Variants in NXPH1 observed in about 807,000 individuals in gnomAD.
The protein encoded by NXPH1 is neurexophilin 1, also known as neurexophilin-1.
In NXPH1, 5 loss-of-function variants were observed where a neutral mutation model predicts 23.7. The observed-to-expected ratio is 0.21, with a 90% CI of 0.11 to 0.44. The LOEUF (loss-of-function observed/expected upper bound fraction) is 0.44. Among genes scored for constraint, NXPH1 ranks in the 20% least tolerant of loss-of-function variants. The probability of loss-of-function intolerance (pLI) is 0.99; values close to 1 mark genes in which losing one functional copy is unlikely to be tolerated. For missense variants in NXPH1, 324 were observed against 321.6 expected, an observed-to-expected ratio of 1.01 and a Z score of -0.06; for synonymous variants, 144 against 122.2, an observed-to-expected ratio of 1.18 and a Z score of -1.18.
chr7:8,553,927 T>A (rs1287344010), intron 2 of NXPH1, among the ~76,000 whole-genome samples: 1 of 151,696 alleles, frequency 6.6e-6, no homozygotes, highest in African/African-American at 2.4e-5. Context: ...ATTTTTCAAT[T>A]ATATTTATTT....
chr7:8,624,947 C>T (rs1819955180), intron 2 of NXPH1, among the ~76,000 whole-genome samples: 1 of 151,982 alleles, frequency 6.6e-6, no homozygotes. Flanking sequence ...TGTCTATTTC[C>T]CTAAAAAAGT....
intron 2 of NXPH1, among the ~76,000 whole-genome samples, chr7:8,647,118 C>T (rs559223884): frequency 6.6e-6 from 1 of 152,284 alleles, no homozygotes; most frequent in Non-Finnish European, 1.5e-5. Context: ...GTTCTGTGAG[C>T]TCAAGAGCCT....
chr7:8,519,671 C>T (rs192802138), intron 2 of NXPH1, among the ~76,000 whole-genome samples: 5 of 152,122 alleles, frequency 3.3e-5, no homozygotes, highest in East Asian at 1.9e-4. Context: ...TCTCCCTCAC[C>T]GCTCCTTATG....
chr7:8,522,268 AGCTCTATCCCTTGGTCCCAT>A (rs1442529094), intron 2 of NXPH1, among the ~76,000 whole-genome samples: 1 of 152,190 alleles, frequency 6.6e-6, no homozygotes, highest in African/African-American at 2.4e-5. Flanking sequence ...GCATGAGTCT[AGCTCTATCCCTTGGTCCCAT>A]TTTCTGCTGG....
chr7:8,447,458 T>C (rs2128604936), intron 2 of NXPH1, among the ~76,000 whole-genome samples: 1 of 152,358 alleles, frequency 6.6e-6, no homozygotes, highest in Middle Eastern at 3.4e-3. Flanking sequence ...AGTTTTTGCG[T>C]CTTTCACAAG....
intron 2 of NXPH1, among the ~76,000 whole-genome samples, chr7:8,636,172 G>A (rs1820215396): frequency 6.6e-6 from 1 of 152,114 alleles, no homozygotes; most frequent in Non-Finnish European, 1.5e-5. Context: ...ACATACTCAG[G>A]AGACTCTTTC....
chr7:8,651,062 G>A (rs1012630975), intron 2 of NXPH1, among the ~76,000 whole-genome samples: 6 of 149,980 alleles, frequency 4.0e-5, no homozygotes, highest in Admixed American at 6.7e-5. Context: ...ATGCTGGTGC[G>A]CTGCACCCAC....
intron 2 of NXPH1, among the ~76,000 whole-genome samples, chr7:8,461,136 G>C (rs898906298): frequency 2.6e-5 from 4 of 152,270 alleles, no homozygotes; most frequent in African/African-American, 9.6e-5. Flanking sequence ...CTCAGCACTG[G>C]GTTGCAGAGG....
chr7:8,612,255 ACCTT>A lies in NXPH1; in HGVS notation c.55-138738_55-138735del, dbSNP rs202149749. Reference sequence around the variant, plus strand: ...TACATTCTCCCCTTCCTTTCTTCCTACCTTCCTTCCTTCCTTCCATTTTTTTTTC... The same window carrying A: ...TACATTCTCCCCTTCCTTTCTTCCTACCTTCCTTCCTTCCATTTTTTTTTC... On this transcript the variant is annotated intron_variant, in intron 2 of 2. Coordinates refer to ENST00000405863, the MANE Select transcript of NXPH1 (RefSeq NM_152745.3). Among the ~76,000 whole-genome samples, 559 of 130,470 alleles carry A rather than the reference ACCTT, an allele frequency of 4.3e-3. 3 individuals are homozygous for A. The highest frequency in any genetic ancestry group is 0.014 in the African/African-American group (484 of 34,794). The allele number at this position is 130,470 out of a possible 152,430, so 85.6% of individuals were successfully genotyped here.
chr7:8,657,353 A>G (rs1820599744), intron 2 of NXPH1, among the ~76,000 whole-genome samples: 1 of 152,224 alleles, frequency 6.6e-6, no homozygotes, highest in Admixed American at 6.5e-5. Flanking sequence ...ATAATTTTGT[A>G]AGATATTTTG....
intron 2 of NXPH1, among the ~76,000 whole-genome samples, chr7:8,682,836 C>G (rs939614013): frequency 6.6e-6 from 1 of 152,122 alleles, no homozygotes; most frequent in Non-Finnish European, 1.5e-5. Context: ...TTTAATAGTT[C>G]AAGTCATTAG....
At chr7:8,596,861 G>T (rs1011371159) in intron 2 of NXPH1, among the ~76,000 whole-genome samples, 1 of 152,026 alleles carries the variant, frequency 6.6e-6, no homozygotes, top group Admixed American at 6.6e-5. Flanking sequence ...TCTAATAAAG[G>T]CGAATGGGTA....
intron 2 of NXPH1, among the ~76,000 whole-genome samples, chr7:8,620,018 C>G (rs545010527): frequency 5.8e-4 from 89 of 152,272 alleles, no homozygotes; most frequent in African/African-American, 2.0e-3. Flanking sequence ...CATCCACGTA[C>G]TGCTGTGCTG....
At chr7:8,736,011 C>T (rs1424675189) in intron 2 of NXPH1, among the ~76,000 whole-genome samples, 4 of 151,750 alleles carry the variant, frequency 2.6e-5, no homozygotes, top group South Asian at 2.1e-4. Context: ...TGTGCCTATT[C>T]GATTCTTCTC....
At chr7:8,641,284 A>T (rs1820305276) in intron 2 of NXPH1, among the ~76,000 whole-genome samples, 1 of 152,172 alleles carries the variant, frequency 6.6e-6, no homozygotes, top group African/African-American at 2.4e-5. Flanking sequence ...TTTAATATTA[A>T]ATAATAAAAA....
chr7:8,726,570 G>A (rs1244925155), intron 2 of NXPH1, among the ~76,000 whole-genome samples: 5 of 145,442 alleles, frequency 3.4e-5, no homozygotes, highest in South Asian at 4.4e-4. Flanking sequence ...CCACCTATGA[G>A]TGAGAATATG....
chr7:8,541,956 T>C (rs1818124563), intron 2 of NXPH1, among the ~76,000 whole-genome samples: 1 of 151,402 alleles, frequency 6.6e-6, no homozygotes. Flanking sequence ...AGATAGAACA[T>C]TTAGAAAACT....
intron 2 of NXPH1, among the ~76,000 whole-genome samples, chr7:8,687,107 G>C: frequency 6.6e-6 from 1 of 152,206 alleles, no homozygotes; most frequent in Non-Finnish European, 1.5e-5. Context: ...TGTAAAGGCT[G>C]TTCATTACCT....
At chr7:8,479,325 T>C (rs908089902) in intron 2 of NXPH1, among the ~76,000 whole-genome samples, 2 of 152,164 alleles carry the variant, frequency 1.3e-5, no homozygotes, top group Non-Finnish European at 2.9e-5. Flanking sequence ...ATGTAACTAA[T>C]ATGGGAAAAG....
Sources: allele counts gnomAD v4.1 joint callset (sites outside exome capture counted in the v4.1 genomes callset), GRCh38; gene constraint gnomAD v4.1.1; transcripts MANE v1.5; gene names NCBI Gene and HGNC (gene_info 2026-07-23, HGNC 2026-07-21).